Variants in KIAA1328 observed in about 807,000 individuals in gnomAD.
The protein encoded by KIAA1328 is protein hinderin.
A neutral mutation model predicts 68.1 loss-of-function variants in KIAA1328; 52 were observed. The ratio of observed to expected loss-of-function variants is 0.76; its 90% CI spans 0.61 to 0.96. The LOEUF is 0.96. Among genes scored for constraint, KIAA1328 ranks in the 40% least tolerant of loss-of-function variants. KIAA1328 has a pLI of 0.00. For synonymous variants in KIAA1328, 232 were observed against 239.4 expected, an observed-to-expected ratio of 0.97 and a Z score of 0.28; for missense variants, 641 against 677.6, an observed-to-expected ratio of 0.95 and a Z score of 0.60.
At chr18:37,166,508 G>A (rs991594082) in intron 8 of KIAA1328, among the ~76,000 whole-genome samples, 2 of 152,072 alleles carry the variant, frequency 1.3e-5, no homozygotes, top group African/African-American at 4.8e-5. Flanking sequence ...CTCCCAAGGT[G>A]TCCTAGGGAA....
At chr18:37,218,547 C>T (rs1358095757) in intron 9 of KIAA1328, among the ~76,000 whole-genome samples, 1 of 152,026 alleles carries the variant, frequency 6.6e-6, no homozygotes, top group Non-Finnish European at 1.5e-5. Flanking sequence ...CAAGGTTAGG[C>T]GTTACACATT....
intron 5 of KIAA1328, among the ~76,000 whole-genome samples, chr18:36,901,593 G>A (rs1173140698): frequency 6.6e-6 from 1 of 151,936 alleles, no homozygotes; most frequent in East Asian, 1.9e-4. Context: ...TGGTCTTTGT[G>A]GACCTTTTCC....
At chr18:37,053,963 GA>G (rs200354807) in intron 6 of KIAA1328, among the ~76,000 whole-genome samples, 16,230 of 123,600 alleles carry the variant, frequency 0.13, 1,065 homozygotes, top group East Asian at 0.23. Context: ...AGATCAACAA[GA>G]AAAAAAAAAA....
intron 7 of KIAA1328, among the ~76,000 whole-genome samples, chr18:37,105,892 G>C (rs2057756659): frequency 8.9e-6 from 1 of 112,110 alleles, no homozygotes; most frequent in Admixed American, 1.1e-4. Flanking sequence ...GCTCCAGCCT[G>C]GTTGACAGAG....
At chr18:36,860,288 A>G (rs895778357) in intron 4 of KIAA1328, among the ~76,000 whole-genome samples, 1 of 152,142 alleles carries the variant, frequency 6.6e-6, no homozygotes, top group Admixed American at 6.5e-5. Context: ...TCATTAAGTC[A>G]TCTTGATTAT....
At chr18:37,150,609 A>C (rs2059007764) in intron 7 of KIAA1328, among the ~76,000 whole-genome samples, 1 of 152,174 alleles carries the variant, frequency 6.6e-6, no homozygotes, top group South Asian at 2.1e-4. Flanking sequence ...TCCTTAACAA[A>C]ATATCAGCAA....
intron 6 of KIAA1328, among the ~76,000 whole-genome samples, chr18:37,038,328 T>C (rs2055111725): frequency 6.6e-6 from 1 of 152,186 alleles, no homozygotes; most frequent in Admixed American, 6.5e-5. Flanking sequence ...TTTCTTACCC[T>C]CACTATCTGC....
chr18:37,167,637 C>T (rs948108670), intron 8 of KIAA1328, among the ~76,000 whole-genome samples: 1 of 152,054 alleles, frequency 6.6e-6, no homozygotes, highest in Non-Finnish European at 1.5e-5. Context: ...TGTCCAGCTG[C>T]TTGTGTGCTC....
intron 4 of KIAA1328, among the ~76,000 whole-genome samples, chr18:36,851,294 C>G (rs2047204147): frequency 6.6e-6 from 1 of 152,078 alleles, no homozygotes; most frequent in Non-Finnish European, 1.5e-5. Flanking sequence ...CTTTATCTGG[C>G]TTTGGCATCA....
chr18:37,048,151 G>A (rs1246824990), intron 6 of KIAA1328, among the ~76,000 whole-genome samples: 1 of 152,062 alleles, frequency 6.6e-6, no homozygotes, highest in South Asian at 2.1e-4. Flanking sequence ...TCAAATAAGC[G>A]AACAGAAGGA....
At chr18:37,115,296 C>T (rs947917345) in intron 7 of KIAA1328, among the ~76,000 whole-genome samples, 1 of 152,168 alleles carries the variant, frequency 6.6e-6, no homozygotes, top group Non-Finnish European at 1.5e-5. Flanking sequence ...TCCAGCAGCA[C>T]ATCAAAAAGC....
chr18:37,022,040 A>G (rs2054367151), intron 6 of KIAA1328, among the ~76,000 whole-genome samples: 1 of 151,994 alleles, frequency 6.6e-6, no homozygotes, highest in Admixed American at 6.6e-5. Context: ...ACTCTGTCTC[A>G]TAAATTAATT....
chr18:36,899,438 T>G (rs1269619479), intron 5 of KIAA1328, among the ~76,000 whole-genome samples: 2 of 151,892 alleles, frequency 1.3e-5, no homozygotes, highest in Non-Finnish European at 2.9e-5. Flanking sequence ...AAGAGAAAAC[T>G]TGCCCGTTAG....
At chr18:36,925,943 C>T (rs538201341) in intron 5 of KIAA1328, among the ~76,000 whole-genome samples, 20 of 152,158 alleles carry the variant, frequency 1.3e-4, no homozygotes, top group Middle Eastern at 3.4e-3. Context: ...CTCTCTTCTC[C>T]AACCCCCTTT....
At chr18:37,198,859 T>G (rs1326088528) in intron 9 of KIAA1328, among the ~76,000 whole-genome samples, 2 of 152,210 alleles carry the variant, frequency 1.3e-5, no homozygotes, top group Non-Finnish European at 2.9e-5. Flanking sequence ...AACAGCTGAT[T>G]CAAGAAATTT....
chr18:37,153,071 T>A (rs562295042), intron 7 of KIAA1328, among the ~76,000 whole-genome samples: 6 of 152,082 alleles, frequency 3.9e-5, no homozygotes, highest in African/African-American at 1.4e-4. Context: ...AATAAAAAAT[T>A]AGGGTGGGGC....
chr18:36,998,295 C>T (rs1000802247), intron 6 of KIAA1328, among the ~76,000 whole-genome samples: 1 of 152,176 alleles, frequency 6.6e-6, no homozygotes, highest in African/African-American at 2.4e-5. Context: ...ATAAGCGCCA[C>T]TTGTGGGCCT....
intron 3 of KIAA1328, among the ~76,000 whole-genome samples, chr18:36,839,138 G>T (rs948911036): frequency 8.5e-5 from 13 of 152,096 alleles, no homozygotes; most frequent in Non-Finnish European, 1.6e-4. Context: ...TTCAGCCATT[G>T]TTTCTCCAGA....
chr18:36,916,620 A>G (rs1010666917), intron 5 of KIAA1328, among the ~76,000 whole-genome samples: 1 of 152,142 alleles, frequency 6.6e-6, no homozygotes, highest in African/African-American at 2.4e-5. Context: ...GTCCTAAGCA[A>G]TTTATAGAAA....
Sources: gnomAD v4.1 joint callset for allele counts (sites outside exome capture counted in the v4.1 genomes callset) on GRCh38, gnomAD v4.1.1 for gene constraint, MANE v1.5 for transcripts, NCBI Gene and HGNC (gene_info 2026-07-23, HGNC 2026-07-21) for gene names.